MAPKAP1: variants seen among roughly 807,000 people sequenced by gnomAD.
The protein encoded by MAPKAP1 is target of rapamycin complex 2 subunit MAPKAP1.
Under a neutral mutation model 65.7 loss-of-function variants are expected in MAPKAP1, and 20 were observed. The observed-to-expected ratio is 0.30, with a 90% CI of 0.21 to 0.44. The LOEUF is 0.44. MAPKAP1 is among the 20% of genes least tolerant of loss of function. The pLI is 1.00. For synonymous variants in MAPKAP1, 222 were observed against 244.3 expected, an observed-to-expected ratio of 0.91 and a Z score of 0.85; for missense variants, 423 against 648.0, an observed-to-expected ratio of 0.65 and a Z score of 3.77.
intron 8 of MAPKAP1, among the ~76,000 whole-genome samples, chr9:125,492,851 C>T (rs1854784231): frequency 1.3e-5 from 2 of 152,210 alleles, no homozygotes; most frequent in Admixed American, 1.3e-4. Flanking sequence ...TAGCACAATC[C>T]TGTTGACTGT....
In MAPKAP1 at chr9:125,698,309, ATATATAT is replaced by A. The variant is rs1564622494; in HGVS notation, c.-70+8655_-70+8661del. On this transcript the variant is annotated intron_variant, in intron 1 of 11. Coordinates refer to ENST00000265960, the MANE Select transcript of MAPKAP1 (RefSeq NM_001006617.3). ...TATAAATATATATATATATATATAT[ATATATAT>A]ATATATATATATATATATATAAAAT... is the stretch of plus-strand genomic sequence containing the variant. Among the ~76,000 whole-genome samples, 72 of 77,198 alleles carry A rather than the reference ATATATAT, an allele frequency of 9.3e-4. 1 individual carries two copies. Among genetic ancestry groups the A allele is most frequent in the South Asian group, 1.7e-3 (4 of 2,366 alleles). 50.6% of individuals were successfully genotyped at this position (77,198 alleles called of 152,430 possible).
At chr9:125,441,925 C>G (rs899432319) in intron 11 of MAPKAP1, among the ~76,000 whole-genome samples, 1 of 151,886 alleles carries the variant, frequency 6.6e-6, no homozygotes, top group African/African-American at 2.4e-5. Flanking sequence ...GCCAGGAGTT[C>G]GAGACCAGCC....
At chr9:125,465,236 C>T (rs1207396919) in intron 10 of MAPKAP1, among the ~76,000 whole-genome samples, 1 of 152,324 alleles carries the variant, frequency 6.6e-6, no homozygotes, top group Non-Finnish European at 1.5e-5. Context: ...GCCCCAAGAA[C>T]AATTTTTGAT....
chr9:125,608,023 G>T (rs1230495285), intron 4 of MAPKAP1, among the ~76,000 whole-genome samples: 6 of 152,204 alleles, frequency 3.9e-5, no homozygotes, highest in Admixed American at 3.9e-4. Flanking sequence ...ACAGGCACCA[G>T]CAGGGAGGGT....
intron 10 of MAPKAP1, among the ~76,000 whole-genome samples, chr9:125,452,091 T>C (rs1852977242): frequency 6.6e-6 from 1 of 152,106 alleles, no homozygotes; most frequent in African/African-American, 2.4e-5. Context: ...ATTACAGGCA[T>C]GAGCCACCGC....
intron 5 of MAPKAP1, among the ~76,000 whole-genome samples, chr9:125,569,702 C>G (rs1430403767): frequency 6.6e-6 from 1 of 152,212 alleles, no homozygotes; most frequent in African/African-American, 2.4e-5. Flanking sequence ...CTTCCAAGGA[C>G]TCCACCCTAA....
intron 10 of MAPKAP1, 47 bp downstream of exon 10, chr9:125,467,925 G>T: frequency 6.2e-7 from 1 of 1,600,518 alleles, no homozygotes; most frequent in Non-Finnish European, 8.5e-7. Flanking sequence ...CAGAAGAGAA[G>T]AGAGGGGAAA....
intron 10 of MAPKAP1, among the ~76,000 whole-genome samples, chr9:125,460,862 T>C (rs1564518932): frequency 6.6e-6 from 1 of 152,190 alleles, no homozygotes; most frequent in African/African-American, 2.4e-5. Flanking sequence ...TTAAATCTCA[T>C]TGTGCCTAGG....
In MAPKAP1 at chr9:125,484,426, C is replaced by T. The variant is rs1854422590; in HGVS notation, c.1207+17G>A. ...GCTGACACGACAAGCTAGCTCATCACCTGCTCACACACTTACCTAGCTGTA... is the reference window on the plus strand; with the variant it reads ...GCTGACACGACAAGCTAGCTCATCATCTGCTCACACACTTACCTAGCTGTA... On this transcript the variant is annotated intron_variant, in intron 9 of 11. Coordinates refer to ENST00000265960, the MANE Select transcript of MAPKAP1 (RefSeq NM_001006617.3). 5 of 1,597,004 alleles carry T rather than the reference C, an allele frequency of 3.1e-6. No homozygotes were observed. Among genetic ancestry groups the T allele is most frequent in the Non-Finnish European group, 3.4e-6 (4 of 1,171,474 alleles).
intron 8 of MAPKAP1, among the ~76,000 whole-genome samples, chr9:125,500,078 A>G (rs1049675903): frequency 2.0e-5 from 3 of 152,242 alleles, no homozygotes; most frequent in Non-Finnish European, 4.4e-5. Flanking sequence ...ATGTGGAACA[A>G]TATGAGTATT....
intron 7 of MAPKAP1, among the ~76,000 whole-genome samples, chr9:125,520,967 C>A (rs947151448): frequency 6.6e-6 from 1 of 152,176 alleles, no homozygotes; most frequent in Non-Finnish European, 1.5e-5. Context: ...TTCTCTTACC[C>A]AGGTCCATCT....
At chr9:125,488,205 A>G (rs1393267636) in intron 8 of MAPKAP1, among the ~76,000 whole-genome samples, 3 of 152,156 alleles carry the variant, frequency 2.0e-5, no homozygotes. Flanking sequence ...CCCAACTGAC[A>G]AGGGGCATGT....
chr9:125,663,694 G>A (rs1488341216), intron 3 of MAPKAP1, among the ~76,000 whole-genome samples: 1 of 152,148 alleles, frequency 6.6e-6, no homozygotes, highest in Non-Finnish European at 1.5e-5. Context: ...TATAGGAAGG[G>A]AGGACAGAGA....
intron 8 of MAPKAP1, among the ~76,000 whole-genome samples, chr9:125,490,407 C>T (rs1399250412): frequency 6.6e-6 from 1 of 152,064 alleles, no homozygotes; most frequent in Non-Finnish European, 1.5e-5. Flanking sequence ...GGTATGGTGG[C>T]ATACGCCTGT....
chr9:125,645,356 G>C (rs1333749160), intron 4 of MAPKAP1, among the ~76,000 whole-genome samples: 2 of 152,210 alleles, frequency 1.3e-5, no homozygotes, highest in East Asian at 3.9e-4. Context: ...AGCTCAGTGA[G>C]AACGCAGATG....
At chr9:125,566,168 TATTC>T (rs535155996) in intron 5 of MAPKAP1, among the ~76,000 whole-genome samples, 2 of 152,180 alleles carry the variant, frequency 1.3e-5, no homozygotes, top group Non-Finnish European at 2.9e-5. Context: ...TTCCACAAAT[TATTC>T]ATTGAGTATT....
intron 9 of MAPKAP1, among the ~76,000 whole-genome samples, chr9:125,483,154 G>A (rs996340287): frequency 1.2e-4 from 19 of 152,142 alleles, no homozygotes; most frequent in African/African-American, 3.6e-4. Context: ...TGCTTTACAT[G>A]TGGGATTTCA....
intron 6 of MAPKAP1, among the ~76,000 whole-genome samples, chr9:125,554,629 T>C (rs1830683193): frequency 1.3e-5 from 2 of 151,770 alleles, no homozygotes; most frequent in Non-Finnish European, 2.9e-5. Context: ...TGAGACCTTG[T>C]CTCTACTAAA....
intron 7 of MAPKAP1, among the ~76,000 whole-genome samples, chr9:125,533,599 T>C (rs1173754594): frequency 6.6e-6 from 1 of 152,056 alleles, no homozygotes; most frequent in East Asian, 1.9e-4. Flanking sequence ...TACAGGCACC[T>C]GTCACCTAAT....
Sources: gnomAD v4.1 joint callset for allele counts (sites outside exome capture counted in the v4.1 genomes callset) on GRCh38, gnomAD v4.1.1 for gene constraint, MANE v1.5 for transcripts, NCBI Gene and HGNC (gene_info 2026-07-23, HGNC 2026-07-21) for gene names.